KIF1B: variants seen among roughly 807,000 people sequenced by gnomAD.
The protein encoded by KIF1B is kinesin family member 1B, also known as kinesin-like protein KIF1B.
Under a neutral mutation model 241.9 loss-of-function variants are expected in KIF1B, and 76 were observed. That is an observed-to-expected ratio of 0.31 (90% CI 0.26 to 0.38). The LOEUF (loss-of-function observed/expected upper bound fraction) is 0.38. Among genes scored for constraint, KIF1B ranks in the 10% least tolerant of loss-of-function variants. The pLI, the probability that KIF1B is intolerant of heterozygous loss-of-function variation, is 1.00. For missense variants in KIF1B, 1,622 were observed against 2,271.4 expected (o/e 0.71, Z 5.81); for synonymous variants, 750 against 796.7 (o/e 0.94, Z 0.99).
chr1:10,370,590 TAATAAGAAGAAG>T (rs1335731680), intron 44 of KIF1B, among the ~76,000 whole-genome samples: 4 of 139,916 alleles, frequency 2.9e-5, no homozygotes, highest in African/African-American at 5.5e-5. Flanking sequence ...ATAATAATAA[TAATAAGAAGAAG>T]AAGAAGAAGA....
At chr1:10,369,351 G>A (rs1441149957) in intron 44 of KIF1B, among the ~76,000 whole-genome samples, 1 of 152,244 alleles carries the variant, frequency 6.6e-6, no homozygotes, top group Non-Finnish European at 1.5e-5. Flanking sequence ...TTCAGGGGCT[G>A]GGTGTGGTGG....
chr1:10,351,733 A>C lies in KIF1B; in HGVS notation c.3950-898A>C, dbSNP rs532985617. ...GTAATCCCAGCACTTTGGGAGGCCAAGGCAGGAGGATCGTTTGAGCTCAGG... is the reference window on the plus strand; with the variant it reads ...GTAATCCCAGCACTTTGGGAGGCCACGGCAGGAGGATCGTTTGAGCTCAGG... On this transcript the variant is annotated intron_variant, in intron 37 of 48. Transcript: ENST00000676179. 5.7e-4 allele frequency among the ~76,000 whole-genome samples: 87 copies of C among 152,342 alleles called. 1 individual carries two copies. The highest frequency in any genetic ancestry group is 2.1e-3 in the African/African-American group (86 of 41,590).
At chr1:10,216,662 T>G (rs112090408) in intron 1 of KIF1B, among the ~76,000 whole-genome samples, 5,458 of 152,112 alleles carry the variant, frequency 0.036, 123 homozygotes, top group Middle Eastern at 0.13. Context: ...CTTAGCTCCC[T>G]CCCCATTTCT....
intron 1 of KIF1B, among the ~76,000 whole-genome samples, chr1:10,222,942 T>C (rs1419329781): frequency 6.6e-6 from 1 of 152,188 alleles, no homozygotes; most frequent in Non-Finnish European, 1.5e-5. Flanking sequence ...AAATGTTGTT[T>C]TCCTATAACT....
chr1:10,258,409 A>G, intron 3 of KIF1B, 84 bp from the exon 4 acceptor site: 1 of 1,410,548 alleles, frequency 7.1e-7, no homozygotes, highest in Non-Finnish European at 9.9e-7. Flanking sequence ...CTGATTCCAG[A>G]CACTTTTATT....
chr1:10,232,471 ACTTTC>A (rs1557652932), intron 2 of KIF1B, 37 bp downstream of exon 2: 4 of 1,425,338 alleles, frequency 2.8e-6, no homozygotes, highest in African/African-American at 2.8e-5. Flanking sequence ...TGTGTATCTT[ACTTTC>A]CTTTCTTCTT....
chr1:10,301,994 T>C (rs1650564997), intron 22 of KIF1B, among the ~76,000 whole-genome samples: 1 of 152,244 alleles, frequency 6.6e-6, no homozygotes, highest in South Asian at 2.1e-4. Context: ...GAGTTAAACA[T>C]ACCTTTTAAA....
chr1:10,288,968 G>A (rs748218986), intron 15 of KIF1B, among the ~76,000 whole-genome samples: 3 of 152,112 alleles, frequency 2.0e-5, no homozygotes, highest in African/African-American at 4.8e-5. Context: ...AGATATTTAC[G>A]TTTTGGGGTC....
chr1:10,247,011 C>T (rs969294594), intron 2 of KIF1B, among the ~76,000 whole-genome samples: 7 of 152,060 alleles, frequency 4.6e-5, no homozygotes. Flanking sequence ...ACTACAGGTG[C>T]GTGCTACCAC....
chr1:10,241,262 C>G (rs1426746524), intron 2 of KIF1B, among the ~76,000 whole-genome samples: 2 of 151,836 alleles, frequency 1.3e-5, no homozygotes, highest in African/African-American at 4.8e-5. Context: ...AGCCACCACA[C>G]CCAGCTAATT....
chr1:10,257,520 A>T (rs1647864009), intron 3 of KIF1B, among the ~76,000 whole-genome samples: 1 of 151,908 alleles, frequency 6.6e-6, no homozygotes, highest in African/African-American at 2.4e-5. Flanking sequence ...AGGGAAACAA[A>T]AGATTACCAG....
chr1:10,371,214 C>G lies in KIF1B; in HGVS notation c.4898C>G (p.Ser1633Cys). The G allele has an allele frequency of 6.2e-7, 1 of 1,614,116 alleles. No homozygotes were observed. The highest frequency in any genetic ancestry group is 1.3e-5 in the African/African-American group (1 of 75,058). The change falls in exon 45 of 49, where the codon TCC (serine) becomes TGC (cysteine). Residue 1633 changes from serine to cysteine, a missense_variant. This residue lies in a region of KIF1B where 357 missense variants were observed against 409.0 expected (regional missense o/e 0.87). Transcript: ENST00000676179. ...AGCAGTGCCACCCTCACTCCCTCCT[C>G]CACCTGTCCCTCTCTGGTAGACTCT... is the stretch of plus-strand genomic sequence containing the variant. ...SFSSATLTPS[S>C]TCPSLVDSRS...
intron 2 of KIF1B, among the ~76,000 whole-genome samples, chr1:10,241,918 G>A (rs542293742): frequency 6.6e-6 from 1 of 152,296 alleles, no homozygotes; most frequent in Admixed American, 6.5e-5. Context: ...TCACAAGACC[G>A]TGAAAGGGAT....
At chr1:10,297,675 T>A (rs1650335191) in intron 22 of KIF1B, among the ~76,000 whole-genome samples, 1 of 152,150 alleles carries the variant, frequency 6.6e-6, no homozygotes, top group Non-Finnish European at 1.5e-5. Flanking sequence ...GGGCTGACTT[T>A]GGGATTGTTC....
At chr1:10,304,844 T>A in intron 22 of KIF1B, 2 of 1,423,002 alleles carry the variant, frequency 1.4e-6, no homozygotes, top group Non-Finnish European at 1.8e-6. Context: ...ATGGGCAGTT[T>A]CTGAAATTTT....
At chr1:10,229,058 C>A (rs911360368) in intron 1 of KIF1B, among the ~76,000 whole-genome samples, 3 of 152,054 alleles carry the variant, frequency 2.0e-5, no homozygotes, top group Non-Finnish European at 4.4e-5. Context: ...GGGGAGGTTG[C>A]AATGTGTTTT....
chr1:10,350,204 A>G (rs1652740067), intron 37 of KIF1B, among the ~76,000 whole-genome samples: 1 of 150,362 alleles, frequency 6.7e-6, no homozygotes, highest in Admixed American at 6.6e-5. Flanking sequence ...CAGGAGAATC[A>G]TTTGAACCTG....
intron 16 of KIF1B, 98 bp from the exon 17 acceptor site, chr1:10,291,949 G>A (rs1192782671): frequency 1.0e-6 from 1 of 975,650 alleles, no homozygotes; most frequent in African/African-American, 1.6e-5. Context: ...AACATGGCCA[G>A]TTGTTTTTGC....
intron 5 of KIF1B, among the ~76,000 whole-genome samples, chr1:10,266,353 G>T (rs1648463135): frequency 6.6e-6 from 1 of 152,206 alleles, no homozygotes; most frequent in Non-Finnish European, 1.5e-5. Context: ...GAGAGGAGTT[G>T]CTTAGATACA....
Sources: allele counts gnomAD v4.1 joint callset (sites outside exome capture counted in the v4.1 genomes callset), GRCh38; gene constraint gnomAD v4.1.1; regional missense constraint gnomAD v4.1.1; transcripts MANE v1.5; gene names NCBI Gene and HGNC (gene_info 2026-07-23, HGNC 2026-07-21).